Variants in ITGB2 observed in about 807,000 individuals in gnomAD.
ITGB2 encodes the protein integrin subunit beta 2, also known as integrin beta-2.
ITGB2 carries 56 observed loss-of-function variants against 86.8 expected under a neutral mutation model. The ratio of observed to expected loss-of-function variants is 0.65; its 90% CI spans 0.52 to 0.81. ITGB2 has a LOEUF of 0.81. ITGB2 is among the 30% of genes least tolerant of loss of function. The pLI is 0.00. For synonymous variants in ITGB2, 457 were observed against 450.4 expected, an observed-to-expected ratio of 1.01 and a Z score of -0.19; for missense variants, 948 against 1,061.2, an observed-to-expected ratio of 0.89 and a Z score of 1.48.
Position 44,901,477 on chromosome 21 carries a change from G to A in ITGB2, c.741+15C>T, listed in dbSNP as rs372803374. ...TGGGGGAACGTGGGGACCCAAGCAG[G>A]GGCAGCGGCCTCACCGGGCAGGCGG... On this transcript the variant is annotated intron_variant, in intron 6 of 15. Transcript: ENST00000652462. 9.9e-6 allele frequency: 16 copies of A among 1,613,066 alleles called. No homozygotes were observed. In the African/African-American group the frequency reaches 1.1e-4, roughly 11 times the overall value.
At chr21:44,920,385 G>A (rs2084284923) in intron 1 of ITGB2, among the ~76,000 whole-genome samples, 2 of 152,160 alleles carry the variant, frequency 1.3e-5, no homozygotes, top group African/African-American at 4.8e-5. Context: ...AGATGGAATC[G>A]CTGTAGCCAG....
In ITGB2 at chr21:44,887,171, C is replaced by T. The variant is rs535085502; in HGVS notation, c.2081-269G>A. ...AGAGAAGAAGGCAGGGCCAGGGTACCGGGCAGCCAGGACAGAGTGCTAATA... is the reference window on the plus strand; with the variant it reads ...AGAGAAGAAGGCAGGGCCAGGGTACTGGGCAGCCAGGACAGAGTGCTAATA... On this transcript the variant is annotated intron_variant, in intron 14 of 15. Transcript: ENST00000652462. Among the ~76,000 whole-genome samples, 274 of 152,280 alleles carry T rather than the reference C, an allele frequency of 1.8e-3. 1 individual carries two copies. Among genetic ancestry groups the T allele is most frequent in the African/African-American group, 6.2e-3 (258 of 41,544 alleles).
At chr21:44,920,342 A>G (rs1341608746) in intron 1 of ITGB2, among the ~76,000 whole-genome samples, 3 of 152,092 alleles carry the variant, frequency 2.0e-5, no homozygotes, top group Non-Finnish European at 4.4e-5. Flanking sequence ...ACACCACACC[A>G]TATCACACAC....
At chr21:44,896,741 G>A (rs1353388643) in intron 8 of ITGB2, among the ~76,000 whole-genome samples, 3 of 152,172 alleles carry the variant, frequency 2.0e-5, no homozygotes, top group Non-Finnish European at 2.9e-5. Context: ...GGCGTGGCAC[G>A]TGTGTCCACA....
chr21:44,905,729 T>G (rs1204826706), intron 4 of ITGB2, among the ~76,000 whole-genome samples: 1 of 152,112 alleles, frequency 6.6e-6, no homozygotes, highest in African/African-American at 2.4e-5. Context: ...TTTTGTCCCC[T>G]GCTGCCCCCA....
intron 4 of ITGB2, 136 bp from the exon 5 acceptor site, chr21:44,903,671 C>A: frequency 1.0e-5 from 10 of 991,722 alleles, no homozygotes; most frequent in Non-Finnish European, 1.5e-5. Flanking sequence ...CCCCTCTCCC[C>A]GCCTGGCAGG....
chr21:44,910,969 G>A, intron 1 of ITGB2, 184 bp from the exon 2 acceptor site: 1 of 629,160 alleles, frequency 1.6e-6, no homozygotes, highest in Non-Finnish European at 2.8e-6. Flanking sequence ...GGGAGGGAGG[G>A]ATCCCGGGCT....
intron 1 of ITGB2, chr21:44,911,082 T>C: frequency 1.9e-6 from 1 of 517,470 alleles, no homozygotes; most frequent in East Asian, 3.4e-5. Flanking sequence ...TGCAGACGTG[T>C]ACACACACCA....
In ITGB2 at chr21:44,888,826, G is replaced by A. The variant is rs758944207; in HGVS notation, c.1947C>T (p.Gly649=). Residue 649 remains glycine, a synonymous_variant, in exon 14 of 16, where the codon GGC becomes GGT. Transcript: ENST00000652462. Reference sequence around the variant, plus strand: ...TCACGGGGTTGTTCGACAGCTGCAGGCCCGGACACGCCGCGCTGCAGTTCT... The same window carrying A: ...TCACGGGGTTGTTCGACAGCTGCAGACCCGGACACGCCGCGCTGCAGTTCT... ...FGKNCSAACP[G]LQLSNNPVKG... The A allele has an allele frequency of 7.4e-6, 12 of 1,610,944 alleles. No individual in the cohort carries two copies. Among genetic ancestry groups the A allele is most frequent in the Non-Finnish European group, 1.0e-5 (12 of 1,179,972 alleles).
chr21:44,910,494 A>G (rs2146546650), intron 2 of ITGB2, 122 bp from the exon 3 acceptor site: 14 of 1,560,160 alleles, frequency 9.0e-6, no homozygotes, highest in Non-Finnish European at 1.1e-5. Context: ...CCAGGAGGAG[A>G]CCCCGCATTC....
chr21:44,899,537 C>T (rs545738593), intron 7 of ITGB2, among the ~76,000 whole-genome samples: 4 of 140,912 alleles, frequency 2.8e-5, no homozygotes, highest in South Asian at 2.5e-4. Flanking sequence ...ACCCGAGTTC[C>T]GGGACCCGAG....
chr21:44,908,689 G>A (rs1014376794), intron 3 of ITGB2, among the ~76,000 whole-genome samples: 27 of 152,132 alleles, frequency 1.8e-4, no homozygotes, highest in African/African-American at 5.6e-4. Flanking sequence ...TTCTTTAACC[G>A]AGTGTCTGAG....
Position 44,910,268 on chromosome 21 carries a change from T to C in ITGB2, c.147+16A>G, listed in dbSNP as rs34580582. ...CAGGAGCTGGGCAGGTGGGGAGGGG[T>C]CCAGGAGGCACTTACCAGCTTCTGG... On this transcript the variant is annotated intron_variant, in intron 3 of 15. Transcript: ENST00000652462. The C allele has an allele frequency of 0.05, 80,131 of 1,610,872 alleles. 2,795 individuals carry two copies. Among genetic ancestry groups the C allele is most frequent in the African/African-American group, 0.16 (12,052 of 74,668 alleles).
intron 4 of ITGB2, among the ~76,000 whole-genome samples, chr21:44,904,818 CCA>C (rs1568896581): frequency 6.6e-6 from 1 of 151,686 alleles, no homozygotes; most frequent in African/African-American, 2.4e-5. Flanking sequence ...CACATACATA[CCA>C]CACACACCAT....
At chr21:44,920,151 C>T (rs991300116) in intron 1 of ITGB2, among the ~76,000 whole-genome samples, 4 of 152,150 alleles carry the variant, frequency 2.6e-5, no homozygotes, top group African/African-American at 4.8e-5. Context: ...TGTGCCACAC[C>T]ACACCACACT....
chr21:44,899,880 A>G (rs936004199), intron 7 of ITGB2, among the ~76,000 whole-genome samples: 1 of 152,148 alleles, frequency 6.6e-6, no homozygotes, highest in African/African-American at 2.4e-5. Context: ...GGGAGGGGCC[A>G]CACTGGAGGA....
At chr21:44,907,848 G>C (rs1333726456) in intron 3 of ITGB2, 1 of 567,636 alleles carries the variant, frequency 1.8e-6, no homozygotes, top group East Asian at 2.9e-5. Context: ...ACAGTCCCCA[G>C]GGTGCCTCTT....
At chr21:44,900,916 T>G (rs1247638710) in intron 6 of ITGB2, among the ~76,000 whole-genome samples, 1 of 152,204 alleles carries the variant, frequency 6.6e-6, no homozygotes, top group Non-Finnish European at 1.5e-5. Context: ...GTGGGGGCCG[T>G]GCGTGTCCTA....
At position 44,901,751 on chromosome 21, in the gene ITGB2, G is replaced by C; in HGVS notation, c.500-18C>G. On this transcript the variant is annotated intron_variant, in intron 5 of 15. Transcript: ENST00000652462. ...CCCGAAGCCTGCAGGGCACATGGAGGGGCTGGGGAGGTGGCAGGCTGGGCC... is the reference window on the plus strand; with the variant it reads ...CCCGAAGCCTGCAGGGCACATGGAGCGGCTGGGGAGGTGGCAGGCTGGGCC... The C allele has an allele frequency of 3.1e-6, 5 of 1,599,070 alleles. No homozygotes were observed. The highest frequency in any genetic ancestry group is 4.3e-6 in the Non-Finnish European group (5 of 1,168,492).
Sources: gnomAD v4.1 joint callset for allele counts (sites outside exome capture counted in the v4.1 genomes callset) on GRCh38, gnomAD v4.1.1 for gene constraint, MANE v1.5 for transcripts, NCBI Gene and HGNC (gene_info 2026-07-23, HGNC 2026-07-21) for gene names.